Variants in SKP2 observed in about 807,000 individuals in gnomAD.
The protein encoded by SKP2 is S-phase kinase-associated protein 2.
A neutral mutation model predicts 51.8 loss-of-function variants in SKP2; 16 were observed. That is an observed-to-expected ratio of 0.31 (90% CI 0.21 to 0.47). SKP2 has a LOEUF of 0.47. SKP2 is among the 20% of genes least tolerant of loss of function. The probability of loss-of-function intolerance (pLI) is 1.00; values close to 1 mark genes in which losing one functional copy is unlikely to be tolerated. For missense variants in SKP2, 377 were observed against 505.3 expected, an observed-to-expected ratio of 0.75 and a Z score of 2.43; for synonymous variants, 176 against 198.6, an observed-to-expected ratio of 0.89 and a Z score of 0.96.
Position 36,152,796 on chromosome 5 carries a change from C to G in SKP2, c.34C>G (p.Leu12Val). The part of the protein sequence containing the change: ...HRKHLQEIPD[L>V]SSNVATSFTW... ...GAAGCACCTCCAGGAGATTCCAGAC[C>G]TGAGTAGCAACGTTGCCACCAGCTT... is the stretch of plus-strand genomic sequence containing the variant. Residue 12 changes from leucine (L) to valine (V), a missense_variant, in exon 2 of 10, where the codon CTG (leucine) becomes GTG (valine). Coordinates refer to ENST00000274255, the MANE Select transcript of SKP2 (RefSeq NM_005983.4). The G allele has an allele frequency of 6.2e-7, 1 of 1,613,930 alleles. No individual in the cohort carries two copies.
Position 36,152,894 on chromosome 5 carries a change from G to A in SKP2, c.132G>A (p.Glu44=). 2 of 1,614,076 alleles carry A rather than the reference G, an allele frequency of 1.2e-6. No individual in the cohort carries two copies. Among genetic ancestry groups the A allele is most frequent in the African/African-American group, 2.7e-5 (2 of 74,982 alleles). ...TGGGGGTCTCCGCCCTGGAGAAAGA[G>A]GAGCCCGACAGTGAGAACATCCCCC... ...SGMGVSALEK[E]EPDSENIPQE... The change falls in exon 2 of 10, where the codon GAG becomes GAA. Residue 44 remains glutamate (E), a synonymous_variant. Coordinates refer to ENST00000274255, the MANE Select transcript of SKP2 (RefSeq NM_005983.4).
intron 4 of SKP2, among the ~76,000 whole-genome samples, chr5:36,168,108 A>G (rs1745348812): frequency 1.3e-5 from 2 of 152,238 alleles, no homozygotes; most frequent in African/African-American, 4.8e-5. Flanking sequence ...GTACTTGGCA[A>G]AAATCCTCTT....
At chr5:36,184,997 A>G (rs182999730), downstream of SKP2, among the ~76,000 whole-genome samples, 1 of 152,136 alleles carries the variant, frequency 6.6e-6, no homozygotes, top group Admixed American at 6.5e-5. Context: ...TTTGATTTGC[A>G]TTTCTCTGAT....
chr5:36,169,177 G>A (rs1218334696), intron 5 of SKP2, among the ~76,000 whole-genome samples: 1 of 152,164 alleles, frequency 6.6e-6, no homozygotes, highest in African/African-American at 2.4e-5. Context: ...AGGTGTGGTG[G>A]CTCACACCTG....
At chr5:36,187,838 T>TA (rs1169652528), downstream of SKP2, among the ~76,000 whole-genome samples, 3 of 152,186 alleles carry the variant, frequency 2.0e-5, no homozygotes, top group East Asian at 1.9e-4. Flanking sequence ...AGTGGGGTGT[T>TA]AAAGTCTCCC....
At chr5:36,185,475 A>G (rs1401804880), downstream of SKP2, among the ~76,000 whole-genome samples, 1 of 152,224 alleles carries the variant, frequency 6.6e-6, no homozygotes, top group African/African-American at 2.4e-5. Context: ...ACATATGGCT[A>G]GCCAGTTTTC....
intron 2 of SKP2, among the ~76,000 whole-genome samples, chr5:36,162,302 A>C (rs575506134): frequency 4.6e-5 from 7 of 152,120 alleles, no homozygotes; most frequent in Non-Finnish European, 1.0e-4. Context: ...TCAAACACAC[A>C]TGCTGTTCCT....
Position 36,184,210 on chromosome 5 carries a change from A to T in SKP2, c.*2179A>T, listed in dbSNP as rs1579581410. The T allele has an allele frequency of 1.1e-5, 3 of 274,434 alleles. No homozygotes were observed. Among genetic ancestry groups the T allele is most frequent in the Non-Finnish European group, 2.0e-5 (3 of 148,886 alleles). The allele number at this position is 274,434 out of a possible 1,614,324, so 17.0% of individuals were successfully genotyped here. On this transcript the variant is annotated 3_prime_UTR_variant, in exon 10 of 10. Transcript: ENST00000274255. ...ATCTACTTCATATGCTTGTCACATT[A>T]AAAAAAAAAGTTTATAATGCCTTTA...
At chr5:36,152,364 A>G in intron 1 of SKP2, 94 bp downstream of exon 1, 1 of 1,201,486 alleles carries the variant, frequency 8.3e-7, no homozygotes, top group Non-Finnish European at 1.2e-6. Context: ...TATTGTTAGT[A>G]ATGCTGTTAA....
chr5:36,170,337 T>C lies in SKP2; in HGVS notation c.672-7T>C, dbSNP rs766549659. ...CTTTTTCTTCTGACGTTTTTCTCTT[T>C]TTCCAGTACTCTCGCAAAAAACTCA... On this transcript the variant is annotated splice_polypyrimidine_tract_variant and splice_region_variant and intron_variant, in intron 5 of 9. Transcript: ENST00000274255. The C allele has an allele frequency of 1.9e-6, 3 of 1,575,808 alleles. No homozygotes were observed. The highest frequency in any genetic ancestry group is 2.6e-6 in the Non-Finnish European group (3 of 1,147,926).
At chr5:36,152,616 T>G (rs1477852051) in intron 1 of SKP2, among the ~76,000 whole-genome samples, 155 bp from the exon 2 acceptor site, 1 of 152,202 alleles carries the variant, frequency 6.6e-6, no homozygotes, top group Non-Finnish European at 1.5e-5. Flanking sequence ...TTTCTTCGTT[T>G]TCTTGGTAAC....
intron 2 of SKP2, among the ~76,000 whole-genome samples, chr5:36,157,327 C>T (rs919005083): frequency 6.6e-6 from 1 of 152,186 alleles, no homozygotes; most frequent in Non-Finnish European, 1.5e-5. Context: ...ATCCCAGCTT[C>T]TGTTGTTTCT....
In SKP2 at chr5:36,182,438, A is replaced by T; in HGVS notation, c.*407A>T. On this transcript the variant is annotated 3_prime_UTR_variant, in exon 10 of 10. Coordinates refer to ENST00000274255, the MANE Select transcript of SKP2 (RefSeq NM_005983.4). ...CTATTTAATTTTATAGTATTGCTTTATAAGACAGCTTAGAAGAACAATAAG... is the reference window on the plus strand; with the variant it reads ...CTATTTAATTTTATAGTATTGCTTTTTAAGACAGCTTAGAAGAACAATAAG... The T allele has an allele frequency of 1.0e-6, 1 of 994,316 alleles. No individual in the cohort carries two copies. Among genetic ancestry groups the T allele is most frequent in the Non-Finnish European group, 1.2e-6 (1 of 834,044 alleles). 61.6% of individuals were successfully genotyped at this position (994,316 alleles called of 1,614,324 possible). A position where few individuals can be genotyped will look rare whatever the true frequency, so the allele number is the denominator to read the frequency against.
chr5:36,183,634 A>G lies in SKP2; in HGVS notation c.*1603A>G. On this transcript the variant is annotated 3_prime_UTR_variant, in exon 10 of 10. Transcript: ENST00000274255. ...TGACTTGTTCGTATGTTCAAAATGT[A>G]ACAACAAAAAAAGCTAACACCAGTC... 8.3e-7 allele frequency: 1 copy of G among 1,209,312 alleles called. No homozygotes were observed. Among genetic ancestry groups the G allele is most frequent in the Non-Finnish European group, 1.0e-6 (1 of 972,730 alleles). The allele number at this position is 1,209,312 out of a possible 1,614,324, so 74.9% of individuals were successfully genotyped here.
In SKP2 at chr5:36,152,115, G is replaced by A. The variant is rs984702480; in HGVS notation, c.-148G>A. The A allele has an allele frequency of 1.3e-6, 1 of 768,996 alleles. No homozygotes were observed. Among genetic ancestry groups the A allele is most frequent in the East Asian group, 2.5e-5 (1 of 39,864 alleles). 47.6% of individuals were successfully genotyped at this position (768,996 alleles called of 1,614,324 possible). ...GCTGTAGAGCCTTGCGCGCGCAGTG[G>A]GGATGGAACGTTGCTAGGCTTAGCG... On this transcript the variant is annotated 5_prime_UTR_variant, in exon 1 of 10. Transcript: ENST00000274255.
chr5:36,187,698 G>A (rs781435819), downstream of SKP2, among the ~76,000 whole-genome samples: 6 of 152,174 alleles, frequency 3.9e-5, no homozygotes, highest in Admixed American at 6.5e-5. Flanking sequence ...GTGCTGAGAA[G>A]AATGTATATT....
intron 2 of SKP2, among the ~76,000 whole-genome samples, chr5:36,153,502 A>G (rs951013219): frequency 4.0e-5 from 6 of 151,286 alleles, no homozygotes; most frequent in Non-Finnish European, 8.8e-5. Context: ...CCCCAGGCCC[A>G]CTCCCACCCC....
In SKP2 at chr5:36,183,942, C is replaced by A. The variant is rs200667816; in HGVS notation, c.*1911C>A. Reference sequence around the variant, plus strand: ...TCAAGTCCAGCCATAAGCTATTTTGCCAACATGTCAGAGTAATCTGTATTT... The same window carrying A: ...TCAAGTCCAGCCATAAGCTATTTTGACAACATGTCAGAGTAATCTGTATTT... On this transcript the variant is annotated 3_prime_UTR_variant, in exon 10 of 10. Transcript: ENST00000274255. 19 of 1,611,006 alleles carry A rather than the reference C, an allele frequency of 1.2e-5. No homozygotes were observed. Among genetic ancestry groups the A allele is most frequent in the Non-Finnish European group, 4.2e-6 (5 of 1,179,280 alleles).
chr5:36,173,797 C>T (rs37218), intron 7 of SKP2, among the ~76,000 whole-genome samples: 95,608 of 151,988 alleles, frequency 0.63, 35,700 homozygotes, highest in Non-Finnish European at 0.84. Flanking sequence ...TTTTTAATGT[C>T]ATTAACAATA....
Sources: gnomAD v4.1 joint callset for allele counts (sites outside exome capture counted in the v4.1 genomes callset) on GRCh38, gnomAD v4.1.1 for gene constraint, MANE v1.5 for transcripts, NCBI Gene and HGNC (gene_info 2026-07-23, HGNC 2026-07-21) for gene names.